The following MTUS2 variants were observed in gnomAD, a reference collection of about 807,000 sequenced individuals.
MTUS2 encodes the protein microtubule associated scaffold protein 2.
In MTUS2, 40 loss-of-function variants were observed where a neutral mutation model predicts 114.1. The ratio of observed to expected loss-of-function variants is 0.35; its 90% confidence interval spans 0.27 to 0.46. The LOEUF is 0.46. MTUS2 is among the 20% of genes least tolerant of loss of function. The probability of loss-of-function intolerance (pLI) is 1.00; values close to 1 mark genes in which losing one functional copy is unlikely to be tolerated. For missense variants in MTUS2, 1,679 were observed against 1,705.4 expected, an observed-to-expected ratio of 0.98 and a Z score of 0.27; for synonymous variants, 688 against 672.0, an observed-to-expected ratio of 1.02 and a Z score of -0.37.
chr13:29,083,752 C>T (rs1056754588), intron 4 of MTUS2, among the ~76,000 whole-genome samples: 1 of 152,134 alleles, frequency 6.6e-6, no homozygotes, highest in Non-Finnish European at 1.5e-5. Context: ...TTACATTGAG[C>T]CATACTAACT....
intron 11 of MTUS2, among the ~76,000 whole-genome samples, chr13:29,491,664 G>A (rs953729683): frequency 2.0e-5 from 3 of 147,954 alleles, no homozygotes; most frequent in Non-Finnish European, 4.5e-5. Flanking sequence ...CATGTAGTGT[G>A]TATGCGATTG....
intron 6 of MTUS2, among the ~76,000 whole-genome samples, chr13:29,321,219 G>T (rs1322268138): frequency 6.6e-6 from 1 of 152,128 alleles, no homozygotes; most frequent in Non-Finnish European, 1.5e-5. Context: ...ACAGGAGAAG[G>T]CTGAGGCTGC....
intron 9 of MTUS2, among the ~76,000 whole-genome samples, chr13:29,460,826 C>T (rs1020463994): frequency 6.7e-6 from 1 of 150,350 alleles, no homozygotes; most frequent in Admixed American, 6.6e-5. Context: ...TTTTTTCTTA[C>T]TAAAAAATAT....
chr13:28,903,510 T>A (rs9670688), intron 2 of MTUS2, among the ~76,000 whole-genome samples: 100,926 of 148,922 alleles, frequency 0.68, 36,887 homozygotes, highest in Non-Finnish European at 0.82. Context: ...GAGAACATGC[T>A]GTGTTTGGTT....
intron 6 of MTUS2, among the ~76,000 whole-genome samples, chr13:29,313,200 C>T (rs1392210100): frequency 4.6e-5 from 7 of 152,014 alleles, no homozygotes; most frequent in Non-Finnish European, 8.8e-5. Flanking sequence ...GCAGAGCTCT[C>T]CCTACAGGAG....
chr13:29,144,271 G>A (rs545400062), intron 5 of MTUS2, among the ~76,000 whole-genome samples: 3 of 152,264 alleles, frequency 2.0e-5, no homozygotes, highest in East Asian at 1.9e-4. Context: ...GAGTCTGAGC[G>A]TGACTTAGAT....
At chr13:28,959,615 G>A (rs1338525759) in intron 2 of MTUS2, among the ~76,000 whole-genome samples, 3 of 152,170 alleles carry the variant, frequency 2.0e-5, no homozygotes, top group African/African-American at 7.2e-5. Context: ...GGGAGCTGGT[G>A]AGTCACATGG....
chr13:29,130,789 C>G (rs1052960016), intron 5 of MTUS2, among the ~76,000 whole-genome samples: 2 of 152,078 alleles, frequency 1.3e-5, no homozygotes, highest in African/African-American at 4.8e-5. Context: ...CCATACCCAG[C>G]TAATTTTTGT....
chr13:28,902,155 G>C (rs1879683505), intron 2 of MTUS2, among the ~76,000 whole-genome samples: 1 of 152,126 alleles, frequency 6.6e-6, no homozygotes, highest in African/African-American at 2.4e-5. Flanking sequence ...ATAGAGACAT[G>C]ATTGATATTT....
At chr13:29,487,244 G>A (rs1021903544) in intron 10 of MTUS2, among the ~76,000 whole-genome samples, 1 of 152,196 alleles carries the variant, frequency 6.6e-6, no homozygotes, top group African/African-American at 2.4e-5. Flanking sequence ...TTCGTTGCTA[G>A]TCTTGCTTGG....
intron 5 of MTUS2, among the ~76,000 whole-genome samples, chr13:29,187,353 T>A (rs1364849330): frequency 6.6e-6 from 1 of 152,088 alleles, no homozygotes. Flanking sequence ...ACTATTAGCT[T>A]GACAGACCAA....
At chr13:29,336,387 C>T (rs1430819974) in intron 7 of MTUS2, among the ~76,000 whole-genome samples, 1 of 152,182 alleles carries the variant, frequency 6.6e-6, no homozygotes, top group Non-Finnish European at 1.5e-5. Flanking sequence ...TTCCTTCTAA[C>T]ATTCAGGCCC....
chr13:29,095,135 G>T (rs1890124123), intron 4 of MTUS2, among the ~76,000 whole-genome samples: 1 of 151,962 alleles, frequency 6.6e-6, no homozygotes. Flanking sequence ...TATGTATTCT[G>T]CTTCTCTTGG....
intron 1 of MTUS2, among the ~76,000 whole-genome samples, chr13:28,824,639 G>T (rs796335585): frequency 6.7e-6 from 1 of 150,012 alleles, no homozygotes; most frequent in African/African-American, 2.4e-5. Context: ...GGTAAAATCT[G>T]TCTTTACTGC....
At chr13:28,937,226 A>G (rs191515663) in intron 2 of MTUS2, among the ~76,000 whole-genome samples, 11 of 152,130 alleles carry the variant, frequency 7.2e-5, no homozygotes, top group Admixed American at 3.3e-4. Flanking sequence ...AAATGCACCA[A>G]TCAACACACT....
chr13:28,851,926 C>T (rs563722825), intron 2 of MTUS2, among the ~76,000 whole-genome samples: 4 of 152,262 alleles, frequency 2.6e-5, no homozygotes, highest in Non-Finnish European at 2.9e-5. Flanking sequence ...CAGTAGCCAG[C>T]GTGAGTCTTT....
At chr13:28,921,563 T>A (rs1211940931) in intron 2 of MTUS2, among the ~76,000 whole-genome samples, 3 of 152,178 alleles carry the variant, frequency 2.0e-5, no homozygotes, top group African/African-American at 7.2e-5. Flanking sequence ...GCCACCCTAG[T>A]CTACTGTCTC....
intron 6 of MTUS2, among the ~76,000 whole-genome samples, chr13:29,306,538 A>G (rs763361043): frequency 1.3e-5 from 2 of 152,228 alleles, no homozygotes; most frequent in Non-Finnish European, 2.9e-5. Flanking sequence ...CCCATTCACA[A>G]TTACTACAAA....
intron 8 of MTUS2, among the ~76,000 whole-genome samples, chr13:29,388,647 AT>A (rs2138403510): frequency 6.6e-6 from 1 of 152,146 alleles, no homozygotes; most frequent in East Asian, 1.9e-4. Context: ...AAATAAAAAA[AT>A]AATTAAGTCA....
Sources: gnomAD v4.1 joint callset for allele counts (sites outside exome capture counted in the v4.1 genomes callset) on GRCh38, gnomAD v4.1.1 for gene constraint, MANE v1.5 for transcripts, NCBI Gene and HGNC (gene_info 2026-07-23, HGNC 2026-07-21) for gene names.